PIP5K1C: variants seen among roughly 807,000 people sequenced by gnomAD.
PIP5K1C encodes the protein phosphatidylinositol-4-phosphate 5-kinase type 1 gamma, also known as phosphatidylinositol 4-phosphate 5-kinase type-1 gamma.
Under a neutral mutation model 80.1 loss-of-function variants are expected in PIP5K1C, and 45 were observed. The observed-to-expected ratio is 0.56, with a 90% CI of 0.44 to 0.72. PIP5K1C has a LOEUF of 0.72. Ranked by LOEUF, PIP5K1C falls within the 30% of genes least tolerant of loss-of-function variation. The probability of loss-of-function intolerance (pLI) is 0.00; values close to 1 mark genes in which losing one functional copy is unlikely to be tolerated. For missense variants in PIP5K1C, 753 were observed against 954.6 expected, an observed-to-expected ratio of 0.79 and a Z score of 2.78; for synonymous variants, 498 against 420.1, an observed-to-expected ratio of 1.19 and a Z score of -2.27.
chr19:3,641,733 T>C lies in PIP5K1C; in HGVS notation c.1759A>G (p.Ile587Val). The C allele has an allele frequency of 6.2e-7, 1 of 1,610,304 alleles. No homozygotes were observed. The highest frequency in any genetic ancestry group is 8.5e-7 in the Non-Finnish European group (1 of 1,179,976). ...VQVEPACSVE[I>V]VVPKEEDAGV... ...GCGTCCTCCTCTTTGGGGACCACAA[T>C]CTCCACGCTGCACGCAGGCTCCACC... Residue 587 changes from isoleucine to valine, a missense_variant, in exon 15 of 18, where the codon ATT becomes GTT. Coordinates refer to ENST00000335312, the MANE Select transcript of PIP5K1C (RefSeq NM_012398.3).
Position 3,630,531 on chromosome 19 carries a change from G to A in PIP5K1C, c.*2636C>T, listed in dbSNP as rs537494558. 2 of 152,706 alleles carry A rather than the reference G, an allele frequency of 1.3e-5. No homozygotes were observed. Among genetic ancestry groups the A allele is most frequent in the African/African-American group, 4.8e-5 (2 of 41,554 alleles). The allele number at this position is 152,706 out of a possible 1,614,324, so 9.5% of individuals were successfully genotyped here. ...CACCGGAGATGAGGAGGAGGTGGCA[G>A]GCGCCTCTCCTGGGGTGGGGACTGA... On this transcript the variant is annotated 3_prime_UTR_variant, in exon 18 of 18. Transcript: ENST00000335312.
At chr19:3,698,246 C>A (rs1480517579) in intron 1 of PIP5K1C, among the ~76,000 whole-genome samples, 1 of 152,232 alleles carries the variant, frequency 6.6e-6, no homozygotes, top group Non-Finnish European at 1.5e-5. Context: ...TCACCAAGCA[C>A]GAGCGCCAAC....
chr19:3,649,163 A>G (rs28374156), intron 8 of PIP5K1C, among the ~76,000 whole-genome samples: 130 of 1,748 alleles, frequency 0.074, 6 homozygotes, highest in African/African-American at 0.26. Context: ...ACCCGGCACC[A>G]TGCCCACACG....
intron 16 of PIP5K1C, 74 bp from the exon 17 acceptor site, chr19:3,633,594 G>A (rs531827627): frequency 3.9e-6 from 4 of 1,017,580 alleles, no homozygotes; most frequent in Admixed American, 3.3e-5. Flanking sequence ...GCAGAGGGAG[G>A]AAGGAAGAGA....
intron 1 of PIP5K1C, among the ~76,000 whole-genome samples, chr19:3,676,405 C>T (rs547806005): frequency 3.9e-4 from 59 of 152,222 alleles, no homozygotes; most frequent in Admixed American, 9.2e-4. Context: ...CTGAGCCCTG[C>T]GGTGTTTGGG....
chr19:3,655,877 C>T (rs957220320), intron 6 of PIP5K1C, among the ~76,000 whole-genome samples: 1 of 152,236 alleles, frequency 6.6e-6, no homozygotes, highest in Non-Finnish European at 1.5e-5. Flanking sequence ...CCTACTCCTA[C>T]TCCCCCCTCC....
rs1409225736 is a variant in PIP5K1C at position 3,637,629 on chromosome 19, C to T, written c.1920+1255G>A. On this transcript the variant is annotated intron_variant, in intron 16 of 17. Transcript: ENST00000335312. The surrounding 1 kb of genome is among the most constrained non-coding windows in gnomAD (Gnocchi z 7.0). The stretch of plus-strand genomic sequence containing the variant: ...CATCCGTGAACTGGACGGGGCGGGC[C>T]GGGTGGGCCGGAGGAGGAAGGAAAA... 13 of 259,570 alleles carry T rather than the reference C, an allele frequency of 5.0e-5. No homozygotes were observed. Among genetic ancestry groups the T allele is most frequent in the South Asian group, 1.6e-4 (6 of 36,654 alleles). The allele number at this position is 259,570 out of a possible 1,614,324, so 16.1% of individuals were successfully genotyped here. A position where few individuals can be genotyped will look rare whatever the true frequency, so the allele number is the denominator to read the frequency against.
rs749153797 is a variant in PIP5K1C, at chr19:3,633,537, C to T, written c.1921-17G>A. ...ATCGGTGGGCTGGCAGGTGGGCGCG[C>T]GTGCAGGAGGGCGCGGAAGAGCAGG... is the stretch of plus-strand genomic sequence containing the variant. On this transcript the variant is annotated splice_polypyrimidine_tract_variant and intron_variant, in intron 16 of 17. Transcript: ENST00000335312. The T allele has an allele frequency of 4.4e-5, 64 of 1,470,664 alleles. 1 individual carries two copies. In the Admixed American group the frequency reaches 9.9e-4, roughly 23 times the overall value. 91.1% of individuals were successfully genotyped at this position (1,470,664 alleles called of 1,614,324 possible).
At chr19:3,664,305 C>CA (rs2034934470) in intron 3 of PIP5K1C, among the ~76,000 whole-genome samples, 1 of 152,026 alleles carries the variant, frequency 6.6e-6, no homozygotes, top group African/African-American at 2.4e-5. Context: ...CACAACTCTG[C>CA]ATATGTACTA....
chr19:3,688,690 C>G lies in PIP5K1C; in HGVS notation c.94+11607G>C, dbSNP rs374012209. ...ACCCGGATGAGCCCCATGGAGAAAC[C>G]CGTAGTGAGAGAAGCTTTGCTCAAA... On this transcript the variant is annotated intron_variant, in intron 1 of 17. Transcript: ENST00000335312. This position sits in a 1 kb window ranked among gnomAD's most constrained non-coding sequence, Gnocchi z 5.3. Among the ~76,000 whole-genome samples, 1 of 151,980 alleles carries G rather than the reference C, an allele frequency of 6.6e-6. No homozygotes were observed. Among genetic ancestry groups the G allele is most frequent in the Non-Finnish European group, 1.5e-5 (1 of 68,006 alleles).
intron 1 of PIP5K1C, among the ~76,000 whole-genome samples, chr19:3,677,784 G>GAAT (rs1568349209): frequency 5.8e-5 from 5 of 86,090 alleles, no homozygotes; most frequent in South Asian, 5.0e-4. Context: ...GAGGGATGGA[G>GAAT]GGAGGGATGC....
Position 3,642,895 on chromosome 19 carries a change from G to GTTGGGTCTT in PIP5K1C, c.1682+11_1682+12insAAGACCCAA. On this transcript the variant is annotated intron_variant, in intron 14 of 17. Coordinates refer to ENST00000335312, the MANE Select transcript of PIP5K1C (RefSeq NM_012398.3). ...TGGTGAGACCCAGGGAAGGAAGGGG[G>GTTGGGTCTT]TTGGGTCTCACCTGCCATCCTGTCC... is the stretch of plus-strand genomic sequence containing the variant. 6.2e-7 allele frequency: 1 copy of GTTGGGTCTT among 1,611,000 alleles called. No homozygotes were observed. The highest frequency in any genetic ancestry group is 8.5e-7 in the Non-Finnish European group (1 of 1,177,764).
chr19:3,664,774 C>T (rs369721073), intron 3 of PIP5K1C, 48 bp downstream of exon 3: 4 of 1,469,896 alleles, frequency 2.7e-6, no homozygotes, highest in Non-Finnish European at 3.8e-6. Flanking sequence ...TCCCCCTCCC[C>T]TCTGCTCTGT....
intron 15 of PIP5K1C, among the ~76,000 whole-genome samples, chr19:3,639,388 G>A (rs2033863673): frequency 6.6e-6 from 1 of 152,168 alleles, no homozygotes; most frequent in African/African-American, 2.4e-5. Context: ...TGTCAAGTGG[G>A]GAGAGATGGC....
rs1043493091 is a variant in PIP5K1C, at chr19:3,696,991, G to A, written c.94+3306C>T. On this transcript the variant is annotated intron_variant, in intron 1 of 17. Coordinates refer to ENST00000335312, the MANE Select transcript of PIP5K1C (RefSeq NM_012398.3). This position sits in a 1 kb window ranked among gnomAD's most constrained non-coding sequence, Gnocchi z 4.1. The stretch of plus-strand genomic sequence containing the variant: ...GAGCTGGACCGAGGAGGACTGAGCT[G>A]GACGGAGGAGGATCGAGCTGGACCG... 1.3e-5 allele frequency among the ~76,000 whole-genome samples: 2 copies of A among 152,020 alleles called. No individual in the cohort carries two copies. The highest frequency in any genetic ancestry group is 4.8e-5 in the African/African-American group (2 of 41,414).
chr19:3,656,818 G>A (rs2034650894), intron 5 of PIP5K1C, among the ~76,000 whole-genome samples: 1 of 152,238 alleles, frequency 6.6e-6, no homozygotes, highest in East Asian at 1.9e-4. Flanking sequence ...CTCCTTAGGA[G>A]CGGACACCTG....
At chr19:3,676,324 C>T (rs962887129) in intron 1 of PIP5K1C, among the ~76,000 whole-genome samples, 7 of 152,206 alleles carry the variant, frequency 4.6e-5, no homozygotes, top group African/African-American at 1.7e-4. Context: ...AACTGTCACC[C>T]GGTACATCCG....
intron 4 of PIP5K1C, among the ~76,000 whole-genome samples, chr19:3,661,622 A>G (rs1297947268): frequency 6.6e-6 from 1 of 152,194 alleles, no homozygotes; most frequent in Non-Finnish European, 1.5e-5. Context: ...CCCACTGGTT[A>G]TTTGTAGATT....
chr19:3,640,939 A>G (rs143826010), intron 15 of PIP5K1C, among the ~76,000 whole-genome samples: 4,384 of 152,162 alleles, frequency 0.029, 204 homozygotes, highest in African/African-American at 0.1. Flanking sequence ...CGCCTGCCTC[A>G]GCCTCCCAAA....
Sources: gnomAD v4.1 joint callset for allele counts (sites outside exome capture counted in the v4.1 genomes callset) on GRCh38, gnomAD v4.1.1 for gene constraint, Gnocchi (gnomAD v3.1) non-coding constraint, MANE v1.5 for transcripts, NCBI Gene and HGNC (gene_info 2026-07-23, HGNC 2026-07-21) for gene names.